Variants in WWTR1 observed in about 807,000 individuals in gnomAD.
WWTR1 encodes WW domain containing transcription regulator 1, also known as WW domain-containing transcription regulator protein 1.
WWTR1 carries 13 observed loss-of-function variants against 40.1 expected under a neutral mutation model. The ratio of observed to expected loss-of-function variants is 0.32; its 90% CI spans 0.21 to 0.52. The LOEUF (loss-of-function observed/expected upper bound fraction) is 0.52. Ranked by LOEUF, WWTR1 falls within the 20% of genes least tolerant of loss-of-function variation. The pLI is 0.97. For missense variants in WWTR1, 436 were observed against 523.1 expected (o/e 0.83, Z 1.63); for synonymous variants, 230 against 210.1 (o/e 1.09, Z -0.82).
chr3:149,692,431 T>G (rs905602826), intron 1 of WWTR1, among the ~76,000 whole-genome samples: 2 of 152,208 alleles, frequency 1.3e-5, no homozygotes, highest in Non-Finnish European at 2.9e-5. Flanking sequence ...GAAATACTAT[T>G]TGATAAAATT....
At chr3:149,525,651 T>A (rs567082185) in intron 6 of WWTR1, 99 of 154,540 alleles carry the variant, frequency 6.4e-4, no homozygotes, top group Non-Finnish European at 1.1e-3. Flanking sequence ...TGGCAGCACC[T>A]ATACTAAAAC....
chr3:149,652,942 A>AT (rs1268648401), intron 2 of WWTR1, among the ~76,000 whole-genome samples: 1 of 152,184 alleles, frequency 6.6e-6, no homozygotes, highest in African/African-American at 2.4e-5. Flanking sequence ...TTTTCAACAA[A>AT]TGTCCTCCTG....
Position 149,517,559 on chromosome 3 carries a change from G to A in WWTR1, c.*3246C>T, listed in dbSNP as rs760054840. On this transcript the variant is annotated 3_prime_UTR_variant, in exon 7 of 7. Transcript: ENST00000360632. The stretch of plus-strand genomic sequence containing the variant: ...CTTTGAGAAGTTACTTTCTAATTAC[G>A]TCATGAGAACACAACTTGTAATTAG... The A allele has an allele frequency of 1.3e-5, 2 of 151,676 alleles. No homozygotes were observed. Among genetic ancestry groups the A allele is most frequent in the Non-Finnish European group, 2.9e-5 (2 of 67,962 alleles). The allele number at this position is 151,676 out of a possible 1,614,324, so 9.4% of individuals were successfully genotyped here.
chr3:149,718,573 A>C (rs1715668510), intron 4 of WWTR1, among the ~76,000 whole-genome samples: 1 of 152,172 alleles, frequency 6.6e-6, no homozygotes, highest in Non-Finnish European at 1.5e-5. Context: ...ACCAGCATCC[A>C]TCTCCAGATC....
intron 3 of WWTR1, among the ~76,000 whole-genome samples, chr3:149,548,947 A>G (rs1010215868): frequency 6.6e-5 from 10 of 152,174 alleles, no homozygotes; most frequent in African/African-American, 2.4e-4. Flanking sequence ...TCCTAACAGT[A>G]CTTCGGTTCC....
intron 2 of WWTR1, among the ~76,000 whole-genome samples, chr3:149,598,149 C>A (rs1225641929): frequency 2.0e-5 from 3 of 152,216 alleles, no homozygotes; most frequent in African/African-American, 7.2e-5. Context: ...TAAAGGCAAA[C>A]CCCCCAATAG....
intron 3 of WWTR1, among the ~76,000 whole-genome samples, chr3:149,559,809 C>T (rs1027667687): frequency 6.6e-6 from 1 of 152,064 alleles, no homozygotes; most frequent in African/African-American, 2.4e-5. Flanking sequence ...AATTCTGATA[C>T]CTCATACTCA....
chr3:149,655,127 A>AAAAGAAAG (rs202179151), intron 2 of WWTR1, among the ~76,000 whole-genome samples: 154 of 147,396 alleles, frequency 1.0e-3, no homozygotes, highest in South Asian at 2.9e-3. Flanking sequence ...CTCCATCTAA[A>AAAAGAAAG]AAAGAAAGAA....
At chr3:149,610,092 C>T (rs1035223193) in intron 2 of WWTR1, among the ~76,000 whole-genome samples, 12 of 152,114 alleles carry the variant, frequency 7.9e-5, no homozygotes, top group African/African-American at 1.9e-4. Context: ...TTTTCTGGAA[C>T]GGAAAGCATT....
intron 4 of WWTR1, among the ~76,000 whole-genome samples, chr3:149,532,547 C>T (rs188848682): frequency 1.3e-5 from 2 of 152,062 alleles, no homozygotes; most frequent in African/African-American, 4.8e-5. Flanking sequence ...AATACGAGTT[C>T]TATATTTAGA....
At chr3:149,684,399 C>T (rs935858087) in intron 1 of WWTR1, among the ~76,000 whole-genome samples, 3 of 152,134 alleles carry the variant, frequency 2.0e-5, no homozygotes, top group Non-Finnish European at 4.4e-5. Context: ...GGGAAGGAAA[C>T]TCTTTATAAA....
intron 2 of WWTR1, among the ~76,000 whole-genome samples, chr3:149,653,534 A>T (rs1217458104): frequency 6.6e-6 from 1 of 152,216 alleles, no homozygotes; most frequent in Non-Finnish European, 1.5e-5. Flanking sequence ...GGAATATCTG[A>T]ATACCACAGG....
intron 2 of WWTR1, among the ~76,000 whole-genome samples, chr3:149,631,364 G>A (rs554245267): frequency 4.0e-4 from 61 of 152,046 alleles, no homozygotes; most frequent in Middle Eastern, 3.4e-3. Flanking sequence ...CAAAATTGTC[G>A]GGTTCCTTGA....
At chr3:149,629,375 A>G (rs1711500227) in intron 2 of WWTR1, among the ~76,000 whole-genome samples, 1 of 152,048 alleles carries the variant, frequency 6.6e-6, no homozygotes, top group Admixed American at 6.6e-5. Context: ...TTACAGAGAA[A>G]CTCCTCAGAG....
chr3:149,689,096 G>A (rs933364535), intron 1 of WWTR1, among the ~76,000 whole-genome samples: 3 of 152,002 alleles, frequency 2.0e-5, no homozygotes, highest in African/African-American at 7.2e-5. Context: ...AAAATACATG[G>A]GCATGCTTGG....
At chr3:149,601,663 A>G (rs1739248018) in intron 2 of WWTR1, among the ~76,000 whole-genome samples, 1 of 152,206 alleles carries the variant, frequency 6.6e-6, no homozygotes, top group Admixed American at 6.5e-5. Flanking sequence ...TCAACATGTA[A>G]AGTCCTTGTA....
chr3:149,684,130 T>C (rs75194368), intron 1 of WWTR1, among the ~76,000 whole-genome samples: 3,224 of 152,290 alleles, frequency 0.021, 62 homozygotes, highest in South Asian at 0.092. Context: ...TAAAGGTATT[T>C]ACTGGTACAT....
intron 1 of WWTR1, among the ~76,000 whole-genome samples, chr3:149,694,283 A>T (rs988079982): frequency 1.3e-5 from 2 of 152,160 alleles, no homozygotes; most frequent in Non-Finnish European, 2.9e-5. Context: ...AATCTCAGCT[A>T]CTCAGGAGGC....
At chr3:149,564,018 C>G (rs746293682) in intron 3 of WWTR1, among the ~76,000 whole-genome samples, 1 of 152,090 alleles carries the variant, frequency 6.6e-6, no homozygotes, top group African/African-American at 2.4e-5. Flanking sequence ...CCTCCCAAAG[C>G]GCTGGGATTA....
Sources: allele counts gnomAD v4.1 joint callset (sites outside exome capture counted in the v4.1 genomes callset), GRCh38; gene constraint gnomAD v4.1.1; transcripts MANE v1.5; gene names NCBI Gene and HGNC (gene_info 2026-07-23, HGNC 2026-07-21).